HIPK3: variants seen among roughly 807,000 people sequenced by gnomAD.
HIPK3 encodes the protein homeodomain interacting protein kinase 3.
A neutral mutation model predicts 124.2 loss-of-function variants in HIPK3; 47 were observed. That is an observed-to-expected ratio of 0.38 (90% CI 0.30 to 0.48). The LOEUF (loss-of-function observed/expected upper bound fraction) is 0.48, where lower values mean the gene tolerates loss of function less well. HIPK3 is among the 20% of genes least tolerant of loss of function. The probability of loss-of-function intolerance (pLI) is 0.98; values close to 1 mark genes in which losing one functional copy is unlikely to be tolerated. For synonymous variants in HIPK3, 482 were observed against 515.2 expected (o/e 0.94, Z 0.87); for missense variants, 1,286 against 1,454.3 (o/e 0.88, Z 1.88).
intron 1 of HIPK3, chr11:33,258,814 G>A (rs992753558): frequency 3.7e-6 from 3 of 810,844 alleles, no homozygotes; most frequent in Non-Finnish European, 4.5e-6. Flanking sequence ...TTCAGGCCTT[G>A]AACCGTGTTT....
chr11:33,328,225 C>T (rs1262079528), intron 2 of HIPK3, among the ~76,000 whole-genome samples: 2 of 152,096 alleles, frequency 1.3e-5, no homozygotes, highest in Non-Finnish European at 2.9e-5. Flanking sequence ...GTCTTAAAAA[C>T]AAGATGTATG....
chr11:33,328,360 C>T (rs532489486), intron 2 of HIPK3, 150 bp from the exon 3 acceptor site: 1 of 663,584 alleles, frequency 1.5e-6, no homozygotes, highest in East Asian at 2.7e-5. Flanking sequence ...AGGATTATGT[C>T]TAGGTTTCAA....
rs376513612 is a variant in HIPK3 at position 33,278,674 on chromosome 11, C to T, written c.-2-7739C>T. The stretch of plus-strand genomic sequence containing the variant: ...CCTGGCTAACATGGTGAAACTCCGT[C>T]TCTACTAAAAATACGAAAAATTAGC... On this transcript the variant is annotated intron_variant, in intron 1 of 16. Transcript: ENST00000303296. Among the ~76,000 whole-genome samples the T allele has an allele frequency of 2.8e-4, 42 of 152,208 alleles. No homozygotes were observed. In the East Asian group the frequency reaches 7.2e-3, roughly 26 times the overall value.
intron 2 of HIPK3, among the ~76,000 whole-genome samples, chr11:33,292,530 C>G (rs266464): frequency 0.85 from 129,781 of 152,032 alleles, 55,851 homozygotes; most frequent in African/African-American, 0.96. Context: ...CTTGAGAGCA[C>G]AGCAGAGAAG....
chr11:33,301,851 CACACGAGT>C (rs1244290786), intron 2 of HIPK3, among the ~76,000 whole-genome samples: 1 of 151,748 alleles, frequency 6.6e-6, no homozygotes, highest in Admixed American at 6.6e-5. Context: ...CACACACACA[CACACGAGT>C]ACAGTACAGT....
Position 33,351,853 on chromosome 11 carries a change from G to T in HIPK3, c.3043+10G>T, listed in dbSNP as rs757420069. ...CATATGGCAAACACAGGTAAGTTGAGTCCTCCCATTTCTCTGGTTGTCCTT... is the reference window on the plus strand; with the variant it reads ...CATATGGCAAACACAGGTAAGTTGATTCCTCCCATTTCTCTGGTTGTCCTT... On this transcript the variant is annotated intron_variant, in intron 15 of 16. Transcript: ENST00000303296. The T allele has an allele frequency of 8.8e-6, 14 of 1,593,484 alleles. 2 individuals are homozygous for T. The South Asian group carries it at 1.3e-4, about 15-fold the overall frequency.
chr11:33,304,209 G>T lies in HIPK3; in HGVS notation c.1097+16698G>T, dbSNP rs544761978. Among the ~76,000 whole-genome samples, 4 of 152,294 alleles carry T rather than the reference G, an allele frequency of 2.6e-5. No homozygotes were observed. The South Asian group carries it at 6.2e-4, about 24-fold the overall frequency. On this transcript the variant is annotated intron_variant, in intron 2 of 16. Transcript: ENST00000303296. Reference sequence around the variant, plus strand: ...CCACCTTGGCCTTCCAAAGTGCTGGGATTATGGGTGTGAGCCACTGCACCT... The same window carrying T: ...CCACCTTGGCCTTCCAAAGTGCTGGTATTATGGGTGTGAGCCACTGCACCT...
intron 1 of HIPK3, among the ~76,000 whole-genome samples, chr11:33,274,362 G>T (rs1161394020): frequency 6.6e-6 from 1 of 152,082 alleles, no homozygotes; most frequent in African/African-American, 2.4e-5. Flanking sequence ...AAGTTTTGTG[G>T]TGGTTCTTTT....
chr11:33,263,709 G>A (rs1850883990), intron 1 of HIPK3, among the ~76,000 whole-genome samples: 1 of 152,220 alleles, frequency 6.6e-6, no homozygotes, highest in Admixed American at 6.5e-5. Context: ...AGCCTGCTAA[G>A]TGATCAGTCT....
chr11:33,278,626 C>T (rs370844099), intron 1 of HIPK3, among the ~76,000 whole-genome samples: 25 of 152,136 alleles, frequency 1.6e-4, no homozygotes, highest in African/African-American at 4.3e-4. Flanking sequence ...TTAAGATACA[C>T]GAGGTCAGGA....
rs1853776441 is a variant in HIPK3 at position 33,354,873 on chromosome 11, A to G, written c.*1305A>G. 1 of 150,928 alleles carries G rather than the reference A, an allele frequency of 6.6e-6. No individual in the cohort carries two copies. 9.3% of individuals were successfully genotyped at this position (150,928 alleles called of 1,614,324 possible). On this transcript the variant is annotated 3_prime_UTR_variant, in exon 17 of 17. Coordinates refer to ENST00000303296, the MANE Select transcript of HIPK3 (RefSeq NM_005734.5). ...TTTTTTTCTTTTTTGGGTGGTGGTG[A>G]TGGTAGTGGTTATGTCTGTTTAAAT... is the stretch of plus-strand genomic sequence containing the variant.
At chr11:33,307,729 A>G (rs1852207604) in intron 2 of HIPK3, among the ~76,000 whole-genome samples, 1 of 150,946 alleles carries the variant, frequency 6.6e-6, no homozygotes, top group African/African-American at 2.4e-5. Flanking sequence ...GACTTTATAT[A>G]TGTGCTTGGT....
intron 1 of HIPK3, among the ~76,000 whole-genome samples, chr11:33,259,523 T>C (rs1850767754): frequency 6.6e-6 from 1 of 152,224 alleles, no homozygotes; most frequent in African/African-American, 2.4e-5. Flanking sequence ...GTGCCACTTA[T>C]CAGTAATTGC....
At chr11:33,274,917 C>T (rs1021550615) in intron 1 of HIPK3, among the ~76,000 whole-genome samples, 2 of 152,158 alleles carry the variant, frequency 1.3e-5, no homozygotes, top group Non-Finnish European at 2.9e-5. Flanking sequence ...GTTCACAATA[C>T]TGCTGGAAAA....
chr11:33,312,235 A>G (rs1590389609), intron 2 of HIPK3, among the ~76,000 whole-genome samples: 1 of 152,268 alleles, frequency 6.6e-6, no homozygotes, highest in African/African-American at 2.4e-5. Context: ...TTATTAGACA[A>G]TATAATTCAG....
chr11:33,333,022 A>ACTGTTGGG (rs1853034253), intron 3 of HIPK3, among the ~76,000 whole-genome samples: 1 of 152,106 alleles, frequency 6.6e-6, no homozygotes, highest in Non-Finnish European at 1.5e-5. Flanking sequence ...GAGAGAACTC[A>ACTGTTGGG]CTGTTGGGGG....
intron 2 of HIPK3, among the ~76,000 whole-genome samples, chr11:33,298,207 C>G (rs544124669): frequency 6.6e-6 from 1 of 152,144 alleles, no homozygotes; most frequent in Non-Finnish European, 1.5e-5. Flanking sequence ...GACTCTGCCT[C>G]GACTCTGCCT....
At chr11:33,277,139 C>T (rs1240623095) in intron 1 of HIPK3, among the ~76,000 whole-genome samples, 1 of 152,138 alleles carries the variant, frequency 6.6e-6, no homozygotes, top group Non-Finnish European at 1.5e-5. Context: ...AGAATCACTT[C>T]CTATGCAACT....
At chr11:33,351,231 A>T (rs1315300561) in intron 14 of HIPK3, among the ~76,000 whole-genome samples, 1 of 152,136 alleles carries the variant, frequency 6.6e-6, no homozygotes, top group East Asian at 1.9e-4. Flanking sequence ...TCACATACAT[A>T]TATGTTTGTA....
Sources: allele counts gnomAD v4.1 joint callset (sites outside exome capture counted in the v4.1 genomes callset), GRCh38; gene constraint gnomAD v4.1.1; transcripts MANE v1.5; gene names NCBI Gene and HGNC (gene_info 2026-07-23, HGNC 2026-07-21).